Variants in CELF2 observed in about 807,000 individuals in gnomAD.
The protein encoded by CELF2 is CUGBP Elav-like family member 2.
In CELF2, 8 loss-of-function variants were observed where a neutral mutation model predicts 62.6. The observed-to-expected ratio is 0.13, with a 90% CI of 0.07 to 0.23. The LOEUF is 0.23. Among genes scored for constraint, CELF2 ranks in the 10% least tolerant of loss-of-function variants. The probability of loss-of-function intolerance (pLI) is 1.00; values close to 1 mark genes in which losing one functional copy is unlikely to be tolerated. For synonymous variants in CELF2, 258 were observed against 250.0 expected, an observed-to-expected ratio of 1.03 and a Z score of -0.30; for missense variants, 333 against 671.0, an observed-to-expected ratio of 0.50 and a Z score of 5.56.
intron 1 of CELF2, among the ~76,000 whole-genome samples, chr10:10,810,941 A>G (rs554488343): frequency 6.6e-6 from 1 of 152,198 alleles, no homozygotes; most frequent in Non-Finnish European, 1.5e-5. Flanking sequence ...AGGATCCAGG[A>G]AGAAACACTT....
the CELF2 span, among the ~76,000 whole-genome samples, chr10:10,571,083 C>T: frequency 6.6e-6 from 1 of 152,114 alleles, no homozygotes. Context: ...AATTACATAA[C>T]CGTCGGCCTT....
chr10:11,244,526 G>T lies in CELF2; in HGVS notation c.355-4627G>T, dbSNP rs1169297651. On this transcript the variant is annotated intron_variant, in intron 3 of 12. Coordinates refer to ENST00000633077, the MANE Select transcript of CELF2 (RefSeq NM_001326342.2). This position sits in a 1 kb window ranked among gnomAD's most constrained non-coding sequence, Gnocchi z 4.2. ...GAAAATTAGTTGGGCGTGGTGGCGG[G>T]CGCCTGTAGTCCCAGCTACTCAGGA... Among the ~76,000 whole-genome samples, 2 of 151,942 alleles carry T rather than the reference G, an allele frequency of 1.3e-5. No individual in the cohort carries two copies. The highest frequency in any genetic ancestry group is 2.4e-5 in the African/African-American group (1 of 41,368).
chr10:10,883,444 T>G (rs559436545), intron 1 of CELF2, among the ~76,000 whole-genome samples: 18 of 152,340 alleles, frequency 1.2e-4, no homozygotes, highest in African/African-American at 4.3e-4. Context: ...CAATGGCAGC[T>G]CTAACAGATT....
chr10:10,727,758 A>C, the CELF2 span, among the ~76,000 whole-genome samples: 1 of 146,680 alleles, frequency 6.8e-6, no homozygotes, highest in East Asian at 2.0e-4. Context: ...CCTGGGCAAC[A>C]GTGCAAGACT....
intron 4 of CELF2, among the ~76,000 whole-genome samples, chr10:11,253,548 G>C (rs181166955): frequency 2.2e-4 from 33 of 152,356 alleles, no homozygotes; most frequent in African/African-American, 7.2e-4. Flanking sequence ...AATGCCATAT[G>C]TTAGCACTAA....
chr10:10,896,426 G>T (rs756611412), intron 1 of CELF2, among the ~76,000 whole-genome samples: 8 of 152,098 alleles, frequency 5.3e-5, no homozygotes, highest in Non-Finnish European at 1.2e-4. Flanking sequence ...TGTCTGTGAA[G>T]AATTCAAGTC....
the CELF2 span, among the ~76,000 whole-genome samples, chr10:10,496,334 C>T: frequency 6.6e-6 from 1 of 152,202 alleles, no homozygotes; most frequent in Non-Finnish European, 1.5e-5. Context: ...CTACCATAAA[C>T]ACCTCCTTTA....
chr10:10,853,461 A>C (rs58437567), intron 1 of CELF2, among the ~76,000 whole-genome samples: 4,327 of 152,132 alleles, frequency 0.028, 120 homozygotes, highest in Middle Eastern at 0.065. Context: ...GAAGGTTACA[A>C]ACCAGTTTTG....
intron 2 of CELF2, among the ~76,000 whole-genome samples, chr10:11,170,413 A>G (rs12251565): frequency 0.015 from 2,290 of 152,322 alleles, 61 homozygotes; most frequent in African/African-American, 0.052. Flanking sequence ...GGGAAATTGA[A>G]TGGAAAGAGT....
the CELF2 span, among the ~76,000 whole-genome samples, chr10:10,536,552 A>C: frequency 6.6e-6 from 1 of 152,168 alleles, no homozygotes; most frequent in Non-Finnish European, 1.5e-5. Context: ...TGTGGCTGGC[A>C]ACTCTAGACC....
chr10:10,924,145 G>A (rs1409486107), intron 2 of CELF2: 2 of 151,708 alleles, frequency 1.3e-5, no homozygotes, highest in Non-Finnish European at 2.9e-5. Flanking sequence ...AGCCGGGCGT[G>A]GTGGCGGGCG....
intron 1 of CELF2, among the ~76,000 whole-genome samples, chr10:11,051,433 AG>A (rs1261783159): frequency 6.6e-6 from 1 of 152,172 alleles, no homozygotes; most frequent in Non-Finnish European, 1.5e-5. Context: ...TATTCCTTTG[AG>A]TTTGCCTCTC....
intron 1 of CELF2, among the ~76,000 whole-genome samples, chr10:10,815,092 C>A (rs2056324895): frequency 6.6e-6 from 1 of 152,136 alleles, no homozygotes; most frequent in African/African-American, 2.4e-5. Context: ...GAGAGGGAAG[C>A]AGTTTGAGGC....
chr10:10,788,283 C>A, the CELF2 span, among the ~76,000 whole-genome samples: 1 of 151,558 alleles, frequency 6.6e-6, no homozygotes, highest in Admixed American at 6.6e-5. Flanking sequence ...CTACTTTGTA[C>A]CCCCTAAAAG....
chr10:10,720,921 A>G, the CELF2 span, among the ~76,000 whole-genome samples: 1,641 of 152,330 alleles, frequency 0.011, 30 homozygotes, highest in African/African-American at 0.038. Context: ...TTGGGGGAAA[A>G]ATATGAATGC....
In CELF2 at chr10:11,242,301, C is replaced by A. The variant is rs2765980; in HGVS notation, c.355-6852C>A. 0.98 allele frequency among the ~76,000 whole-genome samples: 149,986 copies of A among 152,288 alleles called. 73,897 individuals are homozygous for A. Among genetic ancestry groups the A allele is most frequent in the East Asian group, 1 (5,186 of 5,186 alleles). On this transcript the variant is annotated intron_variant, in intron 3 of 12. Coordinates refer to ENST00000633077, the MANE Select transcript of CELF2 (RefSeq NM_001326342.2). The surrounding 1 kb of genome is among the most constrained non-coding windows in gnomAD (Gnocchi z 4.8). Reference sequence around the variant, plus strand: ...TCATCAATTGGTGATGGCTGGGGTTCAACAAGTTCCAACATGAGTTCTCCT... The same window carrying A: ...TCATCAATTGGTGATGGCTGGGGTTAAACAAGTTCCAACATGAGTTCTCCT...
At chr10:10,667,821 C>T in the CELF2 span, among the ~76,000 whole-genome samples, 1 of 152,202 alleles carries the variant, frequency 6.6e-6, no homozygotes, top group South Asian at 2.1e-4. Flanking sequence ...TGCCATTTTC[C>T]AGCCAGGATT....
chr10:10,871,280 A>G (rs1319039743), intron 1 of CELF2, among the ~76,000 whole-genome samples: 1 of 152,212 alleles, frequency 6.6e-6, no homozygotes, highest in African/African-American at 2.4e-5. Context: ...ATTCCACAAC[A>G]GAAAGGGAAA....
the CELF2 span, among the ~76,000 whole-genome samples, chr10:10,710,856 T>C: frequency 6.6e-6 from 1 of 152,232 alleles, no homozygotes; most frequent in African/African-American, 2.4e-5. Flanking sequence ...AACTGAGACG[T>C]TGATACTGGT....
Sources: allele counts gnomAD v4.1 joint callset (sites outside exome capture counted in the v4.1 genomes callset), GRCh38; gene constraint gnomAD v4.1.1; non-coding constraint Gnocchi (gnomAD v3.1); transcripts MANE v1.5; gene names NCBI Gene and HGNC (gene_info 2026-07-23, HGNC 2026-07-21).